The following MAGI2 variants were observed in gnomAD, a reference collection of about 807,000 sequenced individuals.
The protein encoded by MAGI2 is membrane associated guanylate kinase, WW and PDZ domain containing 2.
Under a neutral mutation model 133.3 loss-of-function variants are expected in MAGI2, and 35 were observed. That is an observed-to-expected ratio of 0.26 (90% confidence interval 0.20 to 0.35). MAGI2 has a LOEUF of 0.35. Among genes scored for constraint, MAGI2 ranks in the 10% least tolerant of loss-of-function variants. The pLI is 1.00. For missense variants in MAGI2, 1,636 were observed against 1,863.4 expected, an observed-to-expected ratio of 0.88 and a Z score of 2.25; for synonymous variants, 729 against 710.6, an observed-to-expected ratio of 1.03 and a Z score of -0.41.
chr7:78,970,015 T>C (rs1803657558), intron 2 of MAGI2, among the ~76,000 whole-genome samples: 2 of 152,062 alleles, frequency 1.3e-5, no homozygotes, highest in South Asian at 2.1e-4. Flanking sequence ...CTCAGACCCA[T>C]GCATGCTGCC....
chr7:78,197,992 T>G (rs145611319), intron 11 of MAGI2: 1 of 152,550 alleles, frequency 6.6e-6, no homozygotes, highest in Non-Finnish European at 1.5e-5. Flanking sequence ...TCTGGACTTT[T>G]GCTTTCTACC....
At chr7:78,594,964 C>G (rs559282650) in intron 3 of MAGI2, among the ~76,000 whole-genome samples, 4 of 152,260 alleles carry the variant, frequency 2.6e-5, no homozygotes, top group African/African-American at 9.6e-5. Context: ...GATGAATGCC[C>G]GCTTACACAC....
chr7:78,406,502 T>C (rs1318311746), intron 6 of MAGI2, among the ~76,000 whole-genome samples: 1 of 152,070 alleles, frequency 6.6e-6, no homozygotes, highest in African/African-American at 2.4e-5. Flanking sequence ...AAAAATATGA[T>C]TTTAAATGGT....
intron 2 of MAGI2, among the ~76,000 whole-genome samples, chr7:78,801,298 T>G (rs1788036136): frequency 6.6e-6 from 1 of 152,300 alleles, no homozygotes; most frequent in East Asian, 1.9e-4. Flanking sequence ...AGCAAGTACT[T>G]CATGTCTGCA....
At chr7:78,488,548 G>T (rs967698828) in intron 6 of MAGI2, among the ~76,000 whole-genome samples, 1 of 68,664 alleles carries the variant, frequency 1.5e-5, no homozygotes, top group Non-Finnish European at 3.0e-5. Context: ...TTTGTAACAC[G>T]TTTCATTGGT....
chr7:79,327,989 A>T (rs560954799), intron 1 of MAGI2, among the ~76,000 whole-genome samples: 1 of 152,302 alleles, frequency 6.6e-6, no homozygotes, highest in South Asian at 2.1e-4. Context: ...GAAAATTTCA[A>T]TATATATCAT....
chr7:79,203,923 C>T (rs1828825343), intron 1 of MAGI2, among the ~76,000 whole-genome samples: 1 of 152,006 alleles, frequency 6.6e-6, no homozygotes, highest in South Asian at 2.1e-4. Context: ...AATCCATGCA[C>T]AGAAATACCT....
chr7:79,374,983 G>A lies in MAGI2; in HGVS notation c.301+78037C>T, dbSNP rs76450780. 7.2e-3 allele frequency among the ~76,000 whole-genome samples: 1,092 copies of A among 151,878 alleles called. 13 individuals carry two copies. The highest frequency in any genetic ancestry group is 0.024 in the African/African-American group (996 of 41,460). On this transcript the variant is annotated intron_variant, in intron 1 of 21. Coordinates refer to ENST00000354212, the MANE Select transcript of MAGI2 (RefSeq NM_012301.4). ...ATCAAATGGCCATGTCTGCTGAGTG[G>A]GCACTCAATAAATGCTGGTTCCCTT...
In MAGI2 at chr7:78,313,629, C is replaced by CA. The variant is rs11351014; in HGVS notation, c.1408+30148dup. On this transcript the variant is annotated intron_variant, in intron 9 of 21. Coordinates refer to ENST00000354212, the MANE Select transcript of MAGI2 (RefSeq NM_012301.4). ...AGAAATAGGTACTTTGCTATTGGTA[C>CA]AAAAAAAAAAGTCAAGAAATTTATG... 2.4e-4 allele frequency among the ~76,000 whole-genome samples: 35 copies of CA among 145,458 alleles called. No individual in the cohort carries two copies. In the South Asian group the frequency reaches 3.9e-3, roughly 16 times the overall value.
At chr7:78,475,295 A>G (rs1791630777) in intron 6 of MAGI2, among the ~76,000 whole-genome samples, 1 of 152,034 alleles carries the variant, frequency 6.6e-6, no homozygotes, top group Admixed American at 6.6e-5. Flanking sequence ...TTGAATGCAA[A>G]CACATACACC....
At chr7:79,358,309 T>C (rs1006583655) in intron 1 of MAGI2, among the ~76,000 whole-genome samples, 4 of 152,136 alleles carry the variant, frequency 2.6e-5, no homozygotes, top group African/African-American at 9.7e-5. Flanking sequence ...TTTTCTGAAT[T>C]CTATTTTTAC....
chr7:78,979,898 A>G (rs1247164317), intron 2 of MAGI2, among the ~76,000 whole-genome samples: 1 of 151,954 alleles, frequency 6.6e-6, no homozygotes, highest in Non-Finnish European at 1.5e-5. Context: ...GACAATTTCA[A>G]ATTTTTAAAA....
chr7:78,676,484 A>T (rs1243819470), intron 2 of MAGI2, among the ~76,000 whole-genome samples: 4 of 152,170 alleles, frequency 2.6e-5, no homozygotes, highest in African/African-American at 9.6e-5. Context: ...GGAAAAGCCA[A>T]CTTACAAAAT....
chr7:78,490,464 G>A (rs923428524), intron 5 of MAGI2, among the ~76,000 whole-genome samples: 5 of 151,992 alleles, frequency 3.3e-5, no homozygotes, highest in African/African-American at 4.8e-5. Flanking sequence ...GGCATTTCCA[G>A]AAAGTAATGA....
At chr7:78,609,834 G>T (rs892476734) in intron 3 of MAGI2, among the ~76,000 whole-genome samples, 1 of 152,134 alleles carries the variant, frequency 6.6e-6, no homozygotes, top group African/African-American at 2.4e-5. Flanking sequence ...AACTTGATAA[G>T]TCCAGGCCAA....
chr7:78,790,711 G>A (rs1188280861), intron 2 of MAGI2, among the ~76,000 whole-genome samples: 4 of 152,080 alleles, frequency 2.6e-5, no homozygotes, highest in African/African-American at 4.8e-5. Context: ...TGGGATTAGA[G>A]GTGTGAGCCA....
intron 2 of MAGI2, among the ~76,000 whole-genome samples, chr7:78,670,062 T>C (rs1243191997): frequency 6.6e-6 from 1 of 151,582 alleles, no homozygotes; most frequent in African/African-American, 2.4e-5. Context: ...GTGTTGGAAG[T>C]TCTGGCCAGG....
At chr7:79,346,215 G>T (rs1228054286) in intron 1 of MAGI2, among the ~76,000 whole-genome samples, 1 of 151,856 alleles carries the variant, frequency 6.6e-6, no homozygotes, top group Admixed American at 6.6e-5. Flanking sequence ...CCTTCCTTCA[G>T]CTCACTTCCT....
intron 1 of MAGI2, among the ~76,000 whole-genome samples, chr7:79,279,725 A>T (rs1402859300): frequency 6.6e-6 from 1 of 152,190 alleles, no homozygotes; most frequent in Non-Finnish European, 1.5e-5. Flanking sequence ...TGTTTTTCTC[A>T]CTAAGTAAGT....
Sources: allele counts gnomAD v4.1 joint callset (sites outside exome capture counted in the v4.1 genomes callset), GRCh38; gene constraint gnomAD v4.1.1; transcripts MANE v1.5; gene names NCBI Gene and HGNC (gene_info 2026-07-23, HGNC 2026-07-21).